EDN1: variants seen among roughly 807,000 people sequenced by gnomAD.
The protein encoded by EDN1 is endothelin-1.
Under a neutral mutation model 21.7 loss-of-function variants are expected in EDN1, and 11 were observed. The observed-to-expected ratio is 0.51, with a 90% CI of 0.32 to 0.84. The LOEUF (loss-of-function observed/expected upper bound fraction) is 0.84. Ranked by LOEUF, EDN1 falls within the 40% of genes least tolerant of loss-of-function variation. EDN1 has a pLI of 0.03. For missense variants in EDN1, 244 were observed against 262.3 expected (o/e 0.93, Z 0.48); for synonymous variants, 85 against 90.6 (o/e 0.94, Z 0.35).
the EDN1 span, among the ~76,000 whole-genome samples, chr6:12,282,532 G>A: frequency 6.6e-6 from 1 of 152,212 alleles, no homozygotes; most frequent in African/African-American, 2.4e-5. Flanking sequence ...CCAGGAAGAA[G>A]GGAGGTTGAG....
the EDN1 span, among the ~76,000 whole-genome samples, chr6:12,238,199 C>G: frequency 2.6e-5 from 4 of 151,086 alleles, no homozygotes; most frequent in Non-Finnish European, 5.9e-5. Context: ...AAGGGAAACC[C>G]AAAATGCAGC....
chr6:12,264,802 T>A, the EDN1 span, among the ~76,000 whole-genome samples: 1 of 152,178 alleles, frequency 6.6e-6, no homozygotes, highest in Non-Finnish European at 1.5e-5. Flanking sequence ...CTAGAGAAGA[T>A]GAACTGGGCA....
the EDN1 span, among the ~76,000 whole-genome samples, chr6:12,276,986 G>A: frequency 1.3e-5 from 2 of 152,194 alleles, no homozygotes; most frequent in South Asian, 4.1e-4. Context: ...AGAATGATAA[G>A]AAAGGAGGAA....
chr6:12,261,142 T>A, the EDN1 span, among the ~76,000 whole-genome samples: 7 of 152,144 alleles, frequency 4.6e-5, no homozygotes, highest in African/African-American at 1.7e-4. Context: ...TATTTGTGAG[T>A]CGTTAGTAGA....
At chr6:12,282,579 C>A in the EDN1 span, among the ~76,000 whole-genome samples, 1 of 152,168 alleles carries the variant, frequency 6.6e-6, no homozygotes, top group Non-Finnish European at 1.5e-5. Flanking sequence ...CCTTTCTCCT[C>A]TTCCTCCTCC....
At chr6:12,232,840 T>C in the EDN1 span, among the ~76,000 whole-genome samples, 1 of 152,188 alleles carries the variant, frequency 6.6e-6, no homozygotes, top group African/African-American at 2.4e-5. Flanking sequence ...AGCCTTCACA[T>C]CAATGAGAAA....
At chr6:12,263,362 C>G in the EDN1 span, among the ~76,000 whole-genome samples, 1 of 152,112 alleles carries the variant, frequency 6.6e-6, no homozygotes, top group Non-Finnish European at 1.5e-5. Context: ...GAGGAGTTAG[C>G]ATAAAAAGAA....
chr6:12,231,328 T>C, the EDN1 span, among the ~76,000 whole-genome samples: 1 of 152,108 alleles, frequency 6.6e-6, no homozygotes, highest in African/African-American at 2.4e-5. Context: ...GAATCAAAAG[T>C]CAAATCCATG....
intron 4 of EDN1, among the ~76,000 whole-genome samples, chr6:12,294,875 T>C (rs1270439725): frequency 6.6e-6 from 1 of 151,498 alleles, no homozygotes; most frequent in African/African-American, 2.4e-5. Flanking sequence ...AGTCATTAGA[T>C]AGGGTTGGTA....
the EDN1 span, among the ~76,000 whole-genome samples, chr6:12,263,367 A>G: frequency 6.6e-6 from 1 of 152,342 alleles, no homozygotes; most frequent in Non-Finnish European, 1.5e-5. Flanking sequence ...GTTAGCATAA[A>G]AAGAATCTGT....
the EDN1 span, among the ~76,000 whole-genome samples, chr6:12,271,959 T>A: frequency 6.6e-6 from 1 of 152,234 alleles, no homozygotes; most frequent in African/African-American, 2.4e-5. Context: ...TGTATGTGAC[T>A]TGATATTTTT....
In EDN1 at chr6:12,294,259, A is replaced by G. The variant is rs755076473; in HGVS notation, c.390-2A>G. 6.2e-7 allele frequency: 1 copy of G among 1,614,204 alleles called. No individual in the cohort carries two copies. Among genetic ancestry groups the G allele is most frequent in the Non-Finnish European group, 8.5e-7 (1 of 1,180,016 alleles). On this transcript the variant is annotated splice_acceptor_variant, in intron 3 of 4. Transcript: ENST00000379375. LOFTEE classifies it high-confidence loss of function. ...AATGTTTTTCCTTGTGTATTTTAACAGGGCTGAAGACATTATGGAGAAAGA... is the reference window on the plus strand; with the variant it reads ...AATGTTTTTCCTTGTGTATTTTAACGGGGCTGAAGACATTATGGAGAAAGA...
chr6:12,278,861 C>T, the EDN1 span, among the ~76,000 whole-genome samples: 1 of 152,148 alleles, frequency 6.6e-6, no homozygotes, highest in Non-Finnish European at 1.5e-5. Context: ...CATGCCACTG[C>T]ACTCCAGCCT....
chr6:12,231,844 T>C, the EDN1 span, among the ~76,000 whole-genome samples: 24 of 152,134 alleles, frequency 1.6e-4, no homozygotes, highest in East Asian at 3.7e-3. Context: ...TGTTCAGTGA[T>C]GACTGTGGAT....
the EDN1 span, among the ~76,000 whole-genome samples, chr6:12,235,803 C>A: frequency 0.82 from 124,340 of 152,212 alleles, 51,107 homozygotes; most frequent in East Asian, 0.96. Flanking sequence ...CAAGTGTTTA[C>A]TTTTATTTAA....
the EDN1 span, among the ~76,000 whole-genome samples, chr6:12,243,135 T>C: frequency 6.6e-6 from 1 of 152,194 alleles, no homozygotes; most frequent in Non-Finnish European, 1.5e-5. Context: ...GTATGTTATA[T>C]GTATTATATA....
chr6:12,276,209 TTTA>T, the EDN1 span, among the ~76,000 whole-genome samples: 1 of 150,696 alleles, frequency 6.6e-6, no homozygotes, highest in South Asian at 2.1e-4. Flanking sequence ...CACAAGGAGT[TTTA>T]TTATTTACCC....
At chr6:12,243,698 G>A in the EDN1 span, among the ~76,000 whole-genome samples, 1 of 152,122 alleles carries the variant, frequency 6.6e-6, no homozygotes. Context: ...GCTACTTGAA[G>A]GCAGATTACA....
intron 1 of EDN1, 25 bp downstream of exon 1, chr6:12,290,718 G>T: frequency 6.3e-7 from 1 of 1,594,338 alleles, no homozygotes; most frequent in East Asian, 2.2e-5. Context: ...TGACTTGTAA[G>T]TCTCGGAATT....
Sources: allele counts gnomAD v4.1 joint callset (sites outside exome capture counted in the v4.1 genomes callset), GRCh38; gene constraint gnomAD v4.1.1; transcripts MANE v1.5; gene names NCBI Gene and HGNC (gene_info 2026-07-23, HGNC 2026-07-21).